The following TRIM33 variants were observed in gnomAD, a reference collection of about 807,000 sequenced individuals.
TRIM33 encodes tripartite motif containing 33, also known as E3 ubiquitin-protein ligase TRIM33.
TRIM33 carries 20 observed loss-of-function variants against 125.4 expected under a neutral mutation model. The observed-to-expected ratio is 0.16, with a 90% confidence interval of 0.11 to 0.23. TRIM33 has a LOEUF of 0.23. Ranked by LOEUF, TRIM33 falls within the 10% of genes least tolerant of loss-of-function variation. The pLI is 1.00. For missense variants in TRIM33, 920 were observed against 1,411.4 expected, an observed-to-expected ratio of 0.65 and a Z score of 5.58; for synonymous variants, 564 against 513.9, an observed-to-expected ratio of 1.10 and a Z score of -1.32.
intron 4 of TRIM33, among the ~76,000 whole-genome samples, chr1:114,436,525 G>A (rs974438883): frequency 2.0e-5 from 3 of 151,950 alleles, no homozygotes; most frequent in Admixed American, 6.5e-5. Context: ...GAGTGCAGTG[G>A]CGCAATCTCA....
intron 1 of TRIM33, among the ~76,000 whole-genome samples, chr1:114,487,903 CAAAAAAAAAA>C (rs573681532): frequency 0.016 from 590 of 36,636 alleles, 5 homozygotes; most frequent in Admixed American, 0.05. Context: ...GACTCCGTCT[CAAAAAAAAAA>C]AAAAAAAAAA....
chr1:114,447,907 A>G (rs1649085390), intron 4 of TRIM33, among the ~76,000 whole-genome samples: 1 of 152,244 alleles, frequency 6.6e-6, no homozygotes, highest in African/African-American at 2.4e-5. Flanking sequence ...ATGTTGGTAC[A>G]ATGCTGACAG....
chr1:114,484,809 G>A (rs980305457), intron 1 of TRIM33, among the ~76,000 whole-genome samples: 2 of 152,178 alleles, frequency 1.3e-5, no homozygotes, highest in Admixed American at 6.5e-5. Flanking sequence ...AGGTTGCAGT[G>A]AGCCCACATC....
In TRIM33 at chr1:114,511,176, C is replaced by A. The variant is rs531664125; in HGVS notation, c.-100G>T. 4 of 1,017,386 alleles carry A rather than the reference C, an allele frequency of 3.9e-6. No homozygotes were observed. Among genetic ancestry groups the A allele is most frequent in the East Asian group, 8.5e-5 (1 of 11,702 alleles). The allele number at this position is 1,017,386 out of a possible 1,614,324, so 63.0% of individuals were successfully genotyped here. A position where few individuals can be genotyped will look rare whatever the true frequency, so the allele number is the denominator to read the frequency against. ...CCAGCCGCAGCCGCAGCAAGAGCGGCAGCCGAGAGCTAGCGAGAGAGCGAA... is the reference window on the plus strand; with the variant it reads ...CCAGCCGCAGCCGCAGCAAGAGCGGAAGCCGAGAGCTAGCGAGAGAGCGAA... On this transcript the variant is annotated 5_prime_UTR_variant, in exon 1 of 20. Coordinates refer to ENST00000358465, the MANE Select transcript of TRIM33 (RefSeq NM_015906.4).
At chr1:114,434,768 G>A (rs1274362282) in intron 4 of TRIM33, among the ~76,000 whole-genome samples, 1 of 152,138 alleles carries the variant, frequency 6.6e-6, no homozygotes, top group Non-Finnish European at 1.5e-5. Context: ...ACTGTGACAA[G>A]AGATATAATT....
chr1:114,510,330 C>A (rs1023504086), intron 1 of TRIM33, among the ~76,000 whole-genome samples: 2 of 152,162 alleles, frequency 1.3e-5, no homozygotes, highest in African/African-American at 4.8e-5. Context: ...AGTGTCCCCT[C>A]CCCCAGCCTC....
chr1:114,491,882 A>C (rs935094633), intron 1 of TRIM33, among the ~76,000 whole-genome samples: 1 of 152,210 alleles, frequency 6.6e-6, no homozygotes, highest in Non-Finnish European at 1.5e-5. Context: ...CTCATACATG[A>C]ATGAAGCTTA....
intron 10 of TRIM33, among the ~76,000 whole-genome samples, chr1:114,424,270 T>C (rs1647403382): frequency 6.6e-6 from 1 of 152,214 alleles, no homozygotes; most frequent in Non-Finnish European, 1.5e-5. Context: ...ACTAATGTTC[T>C]TGCTATTTTA....
At chr1:114,435,563 G>C (rs969329811) in intron 4 of TRIM33, among the ~76,000 whole-genome samples, 4 of 152,284 alleles carry the variant, frequency 2.6e-5, no homozygotes, top group Admixed American at 2.6e-4. Flanking sequence ...ATAAAGGAAA[G>C]TTTGTTAAGA....
chr1:114,461,215 AATATATAT>A (rs11367427), intron 4 of TRIM33, among the ~76,000 whole-genome samples: 3 of 133,154 alleles, frequency 2.3e-5, no homozygotes, highest in African/African-American at 8.1e-5. Flanking sequence ...TGTCTTTAAA[AATATATAT>A]ATATATATAT....
At chr1:114,441,819 T>G (rs1187313686) in intron 4 of TRIM33, among the ~76,000 whole-genome samples, 1 of 152,226 alleles carries the variant, frequency 6.6e-6, no homozygotes, top group Non-Finnish European at 1.5e-5. Flanking sequence ...CTCTTTCAAG[T>G]TAACTCTTAG....
chr1:114,399,374 A>C, intron 18 of TRIM33, 83 bp downstream of exon 18: 1 of 1,414,512 alleles, frequency 7.1e-7, no homozygotes, highest in Non-Finnish European at 9.6e-7. Context: ...AATTTTAATA[A>C]AATTAAAGTC....
At chr1:114,430,756 C>T (rs1434956728) in intron 6 of TRIM33, 42 bp downstream of exon 6, 1 of 1,024,262 alleles carries the variant, frequency 9.8e-7, no homozygotes, top group East Asian at 2.4e-5. Flanking sequence ...AGCTAAAGAG[C>T]AAGAGAAGCA....
rs1030547116 is a variant in TRIM33, at chr1:114,399,756, C to T, written c.2968-147G>A. On this transcript the variant is annotated intron_variant, in intron 17 of 19. Coordinates refer to ENST00000358465, the MANE Select transcript of TRIM33 (RefSeq NM_015906.4). ...TTTGAGTATAGACGTATGTACTTTA[C>T]ATCTTCATGAAAACCAAATCTTATG... 6.6e-6 allele frequency: 4 copies of T among 609,380 alleles called. No homozygotes were observed. The African/African-American group carries it at 7.6e-5, about 12-fold the overall frequency. 37.7% of individuals were successfully genotyped at this position (609,380 alleles called of 1,614,324 possible). A position where few individuals can be genotyped will look rare whatever the true frequency, so the allele number is the denominator to read the frequency against.
chr1:114,463,055 A>G, intron 4 of TRIM33, 49 bp downstream of exon 4: 1 of 1,463,654 alleles, frequency 6.8e-7, no homozygotes, highest in Non-Finnish European at 9.1e-7. Flanking sequence ...GAATGACTTT[A>G]CAAGCACTTT....
Position 114,397,589 on chromosome 1 carries a change from G to GT in TRIM33, c.*58dup, listed in dbSNP as rs66490349. ...CTTAAAAGTTTTCTGGGTTTTTTGT[G>GT]TTTTTTTTTTTTTTTTCGTTTTTTT... On this transcript the variant is annotated 3_prime_UTR_variant, in exon 20 of 20. Coordinates refer to ENST00000358465, the MANE Select transcript of TRIM33 (RefSeq NM_015906.4). 0.19 allele frequency: 118,445 copies of GT among 629,480 alleles called. 8,367 individuals carry two copies. Among genetic ancestry groups the GT allele is most frequent in the African/African-American group, 0.46 (16,842 of 36,254 alleles). 39.0% of individuals were successfully genotyped at this position (629,480 alleles called of 1,614,324 possible).
At chr1:114,483,103 G>A (rs112528834) in intron 1 of TRIM33, among the ~76,000 whole-genome samples, 4,117 of 152,164 alleles carry the variant, frequency 0.027, 77 homozygotes, top group South Asian at 0.062. Flanking sequence ...CCAGGTGTTC[G>A]AGACCAGCCT....
At chr1:114,497,349 T>C (rs1459395532) in intron 1 of TRIM33, among the ~76,000 whole-genome samples, 1 of 152,166 alleles carries the variant, frequency 6.6e-6, no homozygotes, top group African/African-American at 2.4e-5. Context: ...CAGGCTGGAG[T>C]GCAACAGCGC....
rs367969292 is a variant in TRIM33 at position 114,403,984 on chromosome 1, G to A, written c.2769-1101C>T. 3.3e-5 allele frequency among the ~76,000 whole-genome samples: 5 copies of A among 151,942 alleles called. No homozygotes were observed. In the East Asian group the frequency reaches 7.9e-4, roughly 24 times the overall value. The stretch of plus-strand genomic sequence containing the variant: ...CGGCTACCTCCTATCTTTTAACCCT[G>A]CCAAGTATATACTTTGTTTTTATCA... On this transcript the variant is annotated intron_variant, in intron 15 of 19. Transcript: ENST00000358465.
Sources: gnomAD v4.1 joint callset for allele counts (sites outside exome capture counted in the v4.1 genomes callset) on GRCh38, gnomAD v4.1.1 for gene constraint, MANE v1.5 for transcripts, NCBI Gene and HGNC (gene_info 2026-07-23, HGNC 2026-07-21) for gene names.